Variants in DST observed in about 807,000 individuals in gnomAD.
The protein encoded by DST is dystonin, also known as bullous pemphigoid antigen.
DST carries 253 observed loss-of-function variants against 875.2 expected under a neutral mutation model. That is an observed-to-expected ratio of 0.29 (90% confidence interval 0.26 to 0.32). DST has a LOEUF of 0.32. DST is among the 10% of genes least tolerant of loss of function. DST has a pLI of 1.00. For missense variants in DST, 8,287 were observed against 9,111.6 expected (o/e 0.91, Z 3.68); for synonymous variants, 3,124 against 3,197.1 (o/e 0.98, Z 0.77).
At chr6:56,908,671 C>T in intron 2 of DST, among the ~76,000 whole-genome samples, 1 of 152,138 alleles carries the variant, frequency 6.6e-6, no homozygotes, top group Non-Finnish European at 1.5e-5. Flanking sequence ...ACGGTTAAAG[C>T]ATTCTAAGTC....
rs757935802 is a variant in DST at position 56,508,633 on chromosome 6, T to A, written c.19135A>T (p.Met6379Leu). 2 of 1,613,784 alleles carry A rather than the reference T, an allele frequency of 1.2e-6. No homozygotes were observed. Among genetic ancestry groups the A allele is most frequent in the Non-Finnish European group, 1.7e-6 (2 of 1,179,812 alleles). Reference protein sequence around the residue: ...ELAEKFWCDHMSLIVTIKDTQ... With the variant: ...ELAEKFWCDHLSLIVTIKDTQ... ...TCTTTAATGGTAACTATCAATGACA[T>A]GTGATCACACCAGAACTTTTCTGCT... is the stretch of plus-strand genomic sequence containing the variant. Residue 6379 changes from methionine (M) to leucine (L), a missense_variant, in exon 75 of 104, where the codon ATG becomes TTG. Transcript: ENST00000680361.
At chr6:56,785,322 T>C (rs1004957471) in intron 4 of DST, among the ~76,000 whole-genome samples, 13 of 152,228 alleles carry the variant, frequency 8.5e-5, no homozygotes. Context: ...AGGTGGAGCC[T>C]ACAGAGGCAG....
chr6:56,870,600 T>C (rs1776596569), intron 3 of DST, among the ~76,000 whole-genome samples: 1 of 152,006 alleles, frequency 6.6e-6, no homozygotes, highest in Non-Finnish European at 1.5e-5. Flanking sequence ...CTGTCTCTAC[T>C]AAAAATACAA....
rs752332471 is a variant in DST, at chr6:56,634,583, C to T, written c.3373G>A (p.Ala1125Thr). Residue 1125 changes from alanine (A) to threonine (T), a missense_variant, in exon 26 of 104, where the codon GCG becomes ACG. Ala to Thr is a moderately conservative substitution (Grantham distance 58). Around this residue, in one of 10 missense-constraint regions of DST, gnomAD observed 1,160 missense variants for 1,424.3 expected, o/e 0.81. Coordinates refer to ENST00000680361, the MANE Select transcript of DST (RefSeq NM_001374736.1). ...TIYKDDECVLANNSHRAKWKV... is the reference protein window; with the variant it reads ...TIYKDDECVLTNNSHRAKWKV... ...CATTTAGCACGATGAGAGTTATTCG[C>T]CAAAACACATTCATCGTCTTTGTAA... 6.2e-7 allele frequency: 1 copy of T among 1,614,124 alleles called. No homozygotes were observed.
chr6:56,521,257 A>G (rs1411238252), intron 69 of DST, among the ~76,000 whole-genome samples: 1 of 152,042 alleles, frequency 6.6e-6, no homozygotes, highest in Admixed American at 6.6e-5. Flanking sequence ...GACTGAGAAA[A>G]ACAGTTCAGG....
chr6:56,870,192 C>T (rs996544940), intron 3 of DST, among the ~76,000 whole-genome samples: 7 of 151,974 alleles, frequency 4.6e-5, no homozygotes, highest in African/African-American at 1.2e-4. Context: ...CCTTTAAACA[C>T]GGGGCTTGCA....
At chr6:56,761,095 C>T (rs190123519) in intron 4 of DST, among the ~76,000 whole-genome samples, 1 of 152,358 alleles carries the variant, frequency 6.6e-6, no homozygotes, top group African/African-American at 2.4e-5. Context: ...AAGCCAGTTG[C>T]CATGTCTTGA....
intron 49 of DST, among the ~76,000 whole-genome samples, chr6:56,584,661 T>C (rs968209879): frequency 3.9e-5 from 6 of 151,952 alleles, no homozygotes; most frequent in Admixed American, 2.6e-4. Context: ...AGGGCATCCC[T>C]GTCTTGTGCC....
At chr6:56,885,624 G>A (rs888010374) in intron 3 of DST, among the ~76,000 whole-genome samples, 1 of 152,062 alleles carries the variant, frequency 6.6e-6, no homozygotes, top group African/African-American at 2.4e-5. Flanking sequence ...ATGGGTTAAT[G>A]CCACTACAAA....
chr6:56,492,650 A>T (rs2095789612), intron 84 of DST, among the ~76,000 whole-genome samples: 1 of 152,106 alleles, frequency 6.6e-6, no homozygotes. Context: ...TGGGTGGATC[A>T]CTTGAGGTCA....
At chr6:56,734,893 A>C (rs1589373249) in intron 5 of DST, among the ~76,000 whole-genome samples, 3 of 152,296 alleles carry the variant, frequency 2.0e-5, no homozygotes, top group African/African-American at 7.2e-5. Context: ...GAGAAAAAAA[A>C]TCTTACTAAG....
chr6:56,827,700 C>A (rs1160706692), intron 4 of DST, among the ~76,000 whole-genome samples: 1 of 152,040 alleles, frequency 6.6e-6, no homozygotes, highest in African/African-American at 2.4e-5. Context: ...CCCAACCATG[C>A]ATTTACCTGC....
chr6:56,888,254 G>T (rs576275368), intron 3 of DST, among the ~76,000 whole-genome samples: 65 of 152,188 alleles, frequency 4.3e-4, no homozygotes, highest in Admixed American at 1.6e-3. Context: ...GGCCATAAAT[G>T]AAATCTTTTA....
Position 56,610,467 on chromosome 6 carries a change from T to G in DST, c.5243A>C (p.Gln1748Pro), listed in dbSNP as rs61263396. ...LLFSESLKQL[Q>P]ESQTSGDVKV... ...TACATCTCCTGAGGTTTGTGATTCT[T>G]GTAGCTGTTTCAGAGATTCACTGAA... The change falls in exon 39 of 104, where the codon CAA becomes CCA. Residue 1748 changes from glutamine (Q) to proline (P), a missense_variant. Coordinates refer to ENST00000680361, the MANE Select transcript of DST (RefSeq NM_001374736.1). The G allele has an allele frequency of 3.8e-3, 5,949 of 1,568,104 alleles. 192 individuals are homozygous for G. The African/African-American group carries it at 0.07, about 18-fold the overall frequency.
intron 71 of DST, among the ~76,000 whole-genome samples, chr6:56,516,582 T>C (rs1376244558): frequency 6.6e-6 from 1 of 152,168 alleles, no homozygotes; most frequent in Non-Finnish European, 1.5e-5. Flanking sequence ...TTTTTTGCCA[T>C]GCATGGGATA....
intron 9 of DST, among the ~76,000 whole-genome samples, chr6:56,673,060 G>C (rs750772213): frequency 2.6e-5 from 4 of 151,924 alleles, no homozygotes; most frequent in African/African-American, 7.3e-5. Context: ...TTCAAGACCA[G>C]GCTGGGCAAC....
In DST at chr6:56,594,008, C is replaced by G. The variant is rs1477801877; in HGVS notation, c.12381G>C (p.Lys4127Asn). The G allele has an allele frequency of 6.2e-7, 1 of 1,613,808 alleles. No homozygotes were observed. The part of the protein sequence containing the change: ...TALAESEKKM[K>N]LTHSLQEELE... ...ATTCTTCCTGCAGAGAGTGAGTTAACTTCATTTTCTTCTCTGACTCAGCCA... is the reference window on the plus strand; with the variant it reads ...ATTCTTCCTGCAGAGAGTGAGTTAAGTTCATTTTCTTCTCTGACTCAGCCA... Residue 4127 changes from lysine (K) to asparagine (N), a missense_variant, in exon 48 of 104, where the codon AAG becomes AAC. Physicochemically the swap from Lys to Asn is moderately conservative, Grantham distance 94 (BLOSUM62 0). Coordinates refer to ENST00000680361, the MANE Select transcript of DST (RefSeq NM_001374736.1).
At chr6:56,756,436 G>T (rs2099603578) in intron 4 of DST, among the ~76,000 whole-genome samples, 2 of 152,276 alleles carry the variant, frequency 1.3e-5, no homozygotes, top group South Asian at 2.1e-4. Context: ...ACAAGAATGG[G>T]CCAGAGTTCA....
chr6:56,577,063 T>A (rs2097880271), intron 50 of DST, among the ~76,000 whole-genome samples: 1 of 152,180 alleles, frequency 6.6e-6, no homozygotes, highest in African/African-American at 2.4e-5. Context: ...AGAATGTTAT[T>A]TTTTTAAATC....
Sources: gnomAD v4.1 joint callset for allele counts (sites outside exome capture counted in the v4.1 genomes callset) on GRCh38, gnomAD v4.1.1 for gene constraint, gnomAD v4.1.1 regional missense constraint, MANE v1.5 for transcripts, NCBI Gene and HGNC (gene_info 2026-07-23, HGNC 2026-07-21) for gene names.